Variants in CNTN4 observed in about 807,000 individuals in gnomAD.
CNTN4 encodes contactin 4.
A neutral mutation model predicts 122.5 loss-of-function variants in CNTN4; 77 were observed. The ratio of observed to expected loss-of-function variants is 0.63; its 90% CI spans 0.52 to 0.76. CNTN4 has a LOEUF of 0.76. CNTN4 is among the 30% of genes least tolerant of loss of function. The pLI is 0.00. For missense variants in CNTN4, 1,256 were observed against 1,259.1 expected (o/e 1.00, Z 0.04); for synonymous variants, 512 against 447.0 (o/e 1.15, Z -1.83).
At chr3:2,148,730 T>G (rs865892397) in intron 2 of CNTN4, among the ~76,000 whole-genome samples, 1 of 152,142 alleles carries the variant, frequency 6.6e-6, no homozygotes, top group Non-Finnish European at 1.5e-5. Flanking sequence ...TGAATGTTAA[T>G]GCGTCCCTCC....
At chr3:2,518,772 T>C (rs1462354532) in intron 3 of CNTN4, among the ~76,000 whole-genome samples, 1 of 152,156 alleles carries the variant, frequency 6.6e-6, no homozygotes, top group Non-Finnish European at 1.5e-5. Context: ...GAACTTGTGA[T>C]GATGATGTGG....
chr3:2,999,419 C>T (rs968376493), intron 14 of CNTN4, among the ~76,000 whole-genome samples: 2 of 152,096 alleles, frequency 1.3e-5, no homozygotes, highest in Non-Finnish European at 2.9e-5. Flanking sequence ...TCTTAGTCCA[C>T]TTGTGCTGCT....
At chr3:2,258,942 A>G (rs2040711180) in intron 2 of CNTN4, among the ~76,000 whole-genome samples, 1 of 152,114 alleles carries the variant, frequency 6.6e-6, no homozygotes, top group Non-Finnish European at 1.5e-5. Flanking sequence ...GTACTCTTAC[A>G]TTATTCTTTT....
chr3:2,634,712 T>C (rs1426035954), intron 4 of CNTN4, among the ~76,000 whole-genome samples: 1 of 149,546 alleles, frequency 6.7e-6, no homozygotes, highest in East Asian at 2.0e-4. Context: ...ATATGTTAGC[T>C]GGGCGTGGTG....
chr3:2,639,558 G>A (rs149356433), intron 4 of CNTN4, among the ~76,000 whole-genome samples: 4 of 152,158 alleles, frequency 2.6e-5, no homozygotes, highest in African/African-American at 9.6e-5. Flanking sequence ...AACACACTAT[G>A]TATTTTGCTT....
At chr3:2,749,651 A>C (rs2149591685) in intron 6 of CNTN4, among the ~76,000 whole-genome samples, 1 of 152,196 alleles carries the variant, frequency 6.6e-6, no homozygotes, top group East Asian at 1.9e-4. Context: ...GTAACACAAC[A>C]AAGAAAATAT....
intron 3 of CNTN4, among the ~76,000 whole-genome samples, chr3:2,423,203 C>G (rs2047677474): frequency 6.6e-6 from 1 of 152,152 alleles, no homozygotes; most frequent in African/African-American, 2.4e-5. Flanking sequence ...AAGTTGTTGC[C>G]TTTCTTTCTT....
intron 3 of CNTN4, among the ~76,000 whole-genome samples, chr3:2,465,370 C>T (rs1045559051): frequency 3.9e-5 from 6 of 152,120 alleles, no homozygotes; most frequent in East Asian, 1.9e-4. Flanking sequence ...ATGCCTTCTT[C>T]GGTCTCTTAA....
At chr3:2,725,741 A>G (rs1041547579) in intron 4 of CNTN4, among the ~76,000 whole-genome samples, 4 of 152,298 alleles carry the variant, frequency 2.6e-5, no homozygotes, top group African/African-American at 9.6e-5. Context: ...AATGAACAGT[A>G]AGTCCACAGA....
At chr3:2,796,574 C>T (rs1398410574) in intron 6 of CNTN4, among the ~76,000 whole-genome samples, 1 of 152,148 alleles carries the variant, frequency 6.6e-6, no homozygotes, top group African/African-American at 2.4e-5. Context: ...CAAGTTTTCT[C>T]ACTGCTACAT....
chr3:2,792,021 C>T (rs62232898), intron 6 of CNTN4, among the ~76,000 whole-genome samples: 22,501 of 152,200 alleles, frequency 0.15, 2,218 homozygotes, highest in East Asian at 0.41. Flanking sequence ...AGCAAACCAC[C>T]GTGGCACACA....
intron 3 of CNTN4, among the ~76,000 whole-genome samples, chr3:2,529,855 C>T (rs2077532648): frequency 6.6e-6 from 1 of 152,062 alleles, no homozygotes; most frequent in African/African-American, 2.4e-5. Context: ...ATAGATAATA[C>T]CAGAATATCT....
At chr3:2,780,897 G>A (rs2091541732) in intron 6 of CNTN4, among the ~76,000 whole-genome samples, 1 of 152,166 alleles carries the variant, frequency 6.6e-6, no homozygotes, top group African/African-American at 2.4e-5. Context: ...GTTGCTGATT[G>A]TAAATATCTC....
In CNTN4 at chr3:2,287,670, GA is replaced by G. The variant is rs1559415463; in HGVS notation, c.-144-51506del. ...AGAAGAAGAAGAAGAAGAAGAAGAA[GA>G]AGAAGAAGAAGAAGAAGAAGAGGAA... On this transcript the variant is annotated intron_variant, in intron 2 of 24. Transcript: ENST00000418658. Among the ~76,000 whole-genome samples the G allele has an allele frequency of 5.3e-3, 313 of 59,298 alleles. 4 individuals are homozygous for G. The highest frequency in any genetic ancestry group is 7.8e-3 in the Middle Eastern group (1 of 128). 38.9% of individuals were successfully genotyped at this position (59,298 alleles called of 152,430 possible).
chr3:2,581,368 T>C (rs2079929239), intron 4 of CNTN4, among the ~76,000 whole-genome samples: 1 of 152,094 alleles, frequency 6.6e-6, no homozygotes, highest in African/African-American at 2.4e-5. Flanking sequence ...TTAAGAAAGG[T>C]TGAGAACCAC....
At chr3:2,143,708 G>C (rs1167383841) in intron 2 of CNTN4, among the ~76,000 whole-genome samples, 1 of 152,114 alleles carries the variant, frequency 6.6e-6, no homozygotes, top group African/African-American at 2.4e-5. Flanking sequence ...TCTCTGATTT[G>C]TAGATGAAGA....
chr3:2,404,521 C>A (rs563317797), intron 3 of CNTN4, among the ~76,000 whole-genome samples: 2 of 152,270 alleles, frequency 1.3e-5, no homozygotes, highest in Admixed American at 1.3e-4. Context: ...TCCCTTTCTA[C>A]CTCATCTGTC....
chr3:2,232,541 A>G (rs2039525470), intron 2 of CNTN4, among the ~76,000 whole-genome samples: 1 of 152,164 alleles, frequency 6.6e-6, no homozygotes, highest in Non-Finnish European at 1.5e-5. Context: ...ATTCTGACCA[A>G]TAACAGGCTG....
chr3:2,165,611 T>G (rs537277328), intron 2 of CNTN4, among the ~76,000 whole-genome samples: 143 of 152,256 alleles, frequency 9.4e-4, no homozygotes, highest in Admixed American at 2.2e-3. Flanking sequence ...TGCTGTACAT[T>G]AGGTATCCAG....
Sources: gnomAD v4.1 joint callset for allele counts (sites outside exome capture counted in the v4.1 genomes callset) on GRCh38, gnomAD v4.1.1 for gene constraint, MANE v1.5 for transcripts, NCBI Gene and HGNC (gene_info 2026-07-23, HGNC 2026-07-21) for gene names.